Variants in NAA16 observed in about 807,000 individuals in gnomAD.
The protein encoded by NAA16 is NARG1-like protein.
NAA16 carries 97 observed loss-of-function variants against 110.3 expected under a neutral mutation model. That is an observed-to-expected ratio of 0.88 (90% CI 0.75 to 1.04). The LOEUF (loss-of-function observed/expected upper bound fraction) is 1.04. NAA16 is among the 50% of genes least tolerant of loss of function. The pLI is 0.00. For missense variants in NAA16, 1,017 were observed against 1,005.1 expected, an observed-to-expected ratio of 1.01 and a Z score of -0.16; for synonymous variants, 372 against 330.6, an observed-to-expected ratio of 1.13 and a Z score of -1.36.
chr13:41,336,115 C>T (rs185213214), intron 8 of NAA16, among the ~76,000 whole-genome samples: 1 of 152,036 alleles, frequency 6.6e-6, no homozygotes, highest in Non-Finnish European at 1.5e-5. Context: ...CATAAATTTA[C>T]TTTACTTTTA....
chr13:41,330,215 C>T (rs2042201651), intron 7 of NAA16, among the ~76,000 whole-genome samples: 1 of 151,504 alleles, frequency 6.6e-6, no homozygotes, highest in African/African-American at 2.4e-5. Flanking sequence ...TTTTTACCCC[C>T]CACACATATC....
intron 9 of NAA16, among the ~76,000 whole-genome samples, chr13:41,342,446 A>C (rs2042577494): frequency 6.6e-6 from 1 of 152,126 alleles, no homozygotes; most frequent in Non-Finnish European, 1.5e-5. Flanking sequence ...CCCAGACCAA[A>C]CTTTTATTAT....
intron 9 of NAA16, among the ~76,000 whole-genome samples, chr13:41,347,214 C>CAAAAAA (rs76747459): frequency 1.8e-5 from 1 of 55,266 alleles, no homozygotes. Flanking sequence ...GACTCCGTCT[C>CAAAAAA]AAAAAAAAAA....
At chr13:41,353,139 C>CAAAAG (rs1460809981) in intron 9 of NAA16, among the ~76,000 whole-genome samples, 1 of 151,708 alleles carries the variant, frequency 6.6e-6, no homozygotes, top group Non-Finnish European at 1.5e-5. Flanking sequence ...CAAAACAAAA[C>CAAAAG]ATAGGTTTCA....
At chr13:41,358,766 T>C (rs371287774) in intron 11 of NAA16, 44 bp from the exon 12 acceptor site, 3 of 1,534,086 alleles carry the variant, frequency 2.0e-6, no homozygotes, top group African/African-American at 1.4e-5. Context: ...TGTACTCATA[T>C]TCTCTTGATT....
intron 9 of NAA16, among the ~76,000 whole-genome samples, chr13:41,352,722 A>G (rs1009402997): frequency 6.6e-6 from 1 of 152,194 alleles, no homozygotes; most frequent in Non-Finnish European, 1.5e-5. Context: ...CGCAACGGTC[A>G]GTCCCCTTTG....
intron 1 of NAA16, among the ~76,000 whole-genome samples, chr13:41,312,533 C>T (rs781247818): frequency 1.1e-4 from 17 of 152,208 alleles, no homozygotes; most frequent in Non-Finnish European, 1.9e-4. Flanking sequence ...AGGTAACTGT[C>T]TTTTCTAGTT....
At position 41,358,926 on chromosome 13, in the gene NAA16, A is replaced by T; in HGVS notation, c.1374A>T (p.Ile458=). 6.2e-7 allele frequency: 1 copy of T among 1,610,970 alleles called. No homozygotes were observed. The highest frequency in any genetic ancestry group is 1.3e-5 in the African/African-American group (1 of 75,022). ...CAKYMLRANM[I]KEAEEMCSKF... ...AATACATGCTTCGAGCAAATATGAT[A>T]AAAGAAGCAGAGGAAATGTGCTCCA... The change falls in exon 12 of 20, where the codon ATA becomes ATT. Residue 458 remains isoleucine (I), a synonymous_variant. Coordinates refer to ENST00000379406, the MANE Select transcript of NAA16 (RefSeq NM_024561.5).
intron 2 of NAA16, 54 bp downstream of exon 2, chr13:41,316,984 A>G: frequency 1.7e-6 from 2 of 1,209,022 alleles, no homozygotes; most frequent in Non-Finnish European, 2.5e-6. Flanking sequence ...AAAACCAGGC[A>G]TTAACAGTGA....
chr13:41,321,255 C>G (rs1382238839), intron 4 of NAA16, among the ~76,000 whole-genome samples: 2 of 152,126 alleles, frequency 1.3e-5, no homozygotes, highest in Non-Finnish European at 1.5e-5. Context: ...CATGATTATG[C>G]TACTGCACTC....
At chr13:41,314,268 A>G (rs1052702464) in intron 1 of NAA16, among the ~76,000 whole-genome samples, 4 of 152,210 alleles carry the variant, frequency 2.6e-5, no homozygotes, top group African/African-American at 9.7e-5. Flanking sequence ...TATTGGCAGT[A>G]TGATTATTAT....
chr13:41,374,755 G>T lies in NAA16; in HGVS notation c.2313G>T (p.Met771Ile). Residue 771 changes from methionine to isoleucine, a missense_variant, in exon 19 of 20, where the codon ATG (methionine) becomes ATT (isoleucine). Transcript: ENST00000379406. ...TTGGTATTTCAGGTGCTAAAATGAT[G>T]TATTTTCTGGACAAGTCAAGGCAGG... ...LQHLLSGAKMMYFLDKSRQEK... is the reference protein window; with the variant it reads ...LQHLLSGAKMIYFLDKSRQEK... The T allele has an allele frequency of 6.2e-7, 1 of 1,609,702 alleles. No homozygotes were observed. Among genetic ancestry groups the T allele is most frequent in the East Asian group, 2.2e-5 (1 of 44,830 alleles).
chr13:41,362,968 TG>T, intron 13 of NAA16: 1 of 928,226 alleles, frequency 1.1e-6, no homozygotes, highest in Non-Finnish European at 1.4e-6. Flanking sequence ...TTTTAGGGGG[TG>T]GCTTTTGATG....
At position 41,311,533 on chromosome 13, in the gene NAA16, C is replaced by A; in HGVS notation, c.5C>A (p.Pro2Gln). 6.2e-7 allele frequency: 1 copy of A among 1,605,094 alleles called. No individual in the cohort carries two copies. The highest frequency in any genetic ancestry group is 8.5e-7 in the Non-Finnish European group (1 of 1,176,370). Reference sequence around the variant, plus strand: ...CTAGCCTCCCTGCCGGCCACGATGCCGAACGTGCTGCTGCCGCCCAAGGAG... The same window carrying A: ...CTAGCCTCCCTGCCGGCCACGATGCAGAACGTGCTGCTGCCGCCCAAGGAG... M[P>Q]NVLLPPKESN... is the part of the protein sequence containing the mutation. The change falls in exon 1 of 20, where the codon CCG becomes CAG. Residue 2 changes from proline (P) to glutamine (Q), a missense_variant. Transcript: ENST00000379406.
chr13:41,317,421 A>G (rs1422584558), intron 2 of NAA16, among the ~76,000 whole-genome samples: 3 of 152,154 alleles, frequency 2.0e-5, no homozygotes, highest in Non-Finnish European at 4.4e-5. Context: ...GTTTTCTAAC[A>G]CTGGTGTTAA....
In NAA16 at chr13:41,311,508, C is replaced by G; in HGVS notation, c.-21C>G. On this transcript the variant is annotated 5_prime_UTR_variant, in exon 1 of 20. Coordinates refer to ENST00000379406, the MANE Select transcript of NAA16 (RefSeq NM_024561.5). ...GGCACCTAGCCTCCCTGCCGGCCAC[C>G]TAGCCTCCCTGCCGGCCACGATGCC... 6.3e-7 allele frequency: 1 copy of G among 1,589,666 alleles called. No homozygotes were observed. The highest frequency in any genetic ancestry group is 2.3e-5 in the East Asian group (1 of 43,704).
At position 41,375,334 on chromosome 13, in the gene NAA16, T is replaced by G. The variant is rs573992778; in HGVS notation, c.2398-71T>G. On this transcript the variant is annotated intron_variant, in intron 19 of 19. Transcript: ENST00000379406. Reference sequence around the variant, plus strand: ...TTCTCAATTTAACACATTGCATCTTTTGATTAAAGTGGTTATTAACTGCGA... The same window carrying G: ...TTCTCAATTTAACACATTGCATCTTGTGATTAAAGTGGTTATTAACTGCGA... The G allele has an allele frequency of 3.6e-6, 4 of 1,100,284 alleles. No individual in the cohort carries two copies. The Admixed American group carries it at 8.8e-5, about 24-fold the overall frequency. The allele number at this position is 1,100,284 out of a possible 1,614,324, so 68.2% of individuals were successfully genotyped here.
intron 12 of NAA16, 43 bp downstream of exon 12, chr13:41,359,005 A>C: frequency 4.7e-6 from 7 of 1,499,150 alleles, no homozygotes; most frequent in African/African-American, 1.4e-5. Context: ...CTAAATTAAG[A>C]CAGTTTGTGA....
In NAA16 at chr13:41,331,565, TTATC is replaced by T. The variant is rs530474784; in HGVS notation, c.907+200_907+203del. On this transcript the variant is annotated intron_variant, in intron 8 of 19. Coordinates refer to ENST00000379406, the MANE Select transcript of NAA16 (RefSeq NM_024561.5). ...TAAATGTTGATTTTAATATTTGAAG[TTATC>T]TATATAAATATAAAACTGCTTTTCT... Among the ~76,000 whole-genome samples the T allele has an allele frequency of 1.7e-3, 264 of 152,264 alleles. 2 individuals are homozygous for T. The highest frequency in any genetic ancestry group is 6.1e-3 in the African/African-American group (254 of 41,560).
Sources: allele counts gnomAD v4.1 joint callset (sites outside exome capture counted in the v4.1 genomes callset), GRCh38; gene constraint gnomAD v4.1.1; transcripts MANE v1.5; gene names NCBI Gene and HGNC (gene_info 2026-07-23, HGNC 2026-07-21).